Variants in SYT9 observed in about 807,000 individuals in gnomAD.
SYT9 encodes the protein synaptotagmin-9.
Under a neutral mutation model 48.4 loss-of-function variants are expected in SYT9, and 22 were observed. The observed-to-expected ratio is 0.45, with a 90% CI of 0.32 to 0.65. The LOEUF (loss-of-function observed/expected upper bound fraction) is 0.65, where lower values mean the gene tolerates loss of function less well. Among genes scored for constraint, SYT9 ranks in the 30% least tolerant of loss-of-function variants. The pLI, the probability that SYT9 is intolerant of heterozygous loss-of-function variation, is 0.03. For synonymous variants in SYT9, 265 were observed against 245.0 expected (o/e 1.08, Z -0.76); for missense variants, 577 against 622.0 (o/e 0.93, Z 0.77).
chr11:7,431,631 G>A (rs997293505), intron 6 of SYT9, among the ~76,000 whole-genome samples: 5 of 152,228 alleles, frequency 3.3e-5, no homozygotes, highest in African/African-American at 1.2e-4. Context: ...GCCTAAGAGT[G>A]ATGAATGGTT....
intron 6 of SYT9, among the ~76,000 whole-genome samples, chr11:7,429,087 C>T (rs756412109): frequency 6.6e-6 from 1 of 152,164 alleles, no homozygotes; most frequent in Non-Finnish European, 1.5e-5. Flanking sequence ...GTCCTGTGGG[C>T]ACCCATACAC....
intron 4 of SYT9, among the ~76,000 whole-genome samples, chr11:7,417,466 C>G (rs1457781578): frequency 6.6e-6 from 1 of 152,136 alleles, no homozygotes; most frequent in Non-Finnish European, 1.5e-5. Context: ...GCAGGCCACT[C>G]TAGGGGCTCA....
intron 3 of SYT9, 23 bp from the exon 4 acceptor site, chr11:7,416,018 CT>C (rs1847239759): frequency 6.2e-7 from 1 of 1,613,880 alleles, no homozygotes; most frequent in Non-Finnish European, 8.5e-7. Flanking sequence ...CTTTCTAATA[CT>C]TTAGTTTGTG....
At chr11:7,336,310 A>G (rs748198594) in intron 3 of SYT9, among the ~76,000 whole-genome samples, 17 of 152,098 alleles carry the variant, frequency 1.1e-4, no homozygotes, top group Non-Finnish European at 2.2e-4. Flanking sequence ...CTCTGTTGAT[A>G]GTTTCTTTTG....
chr11:7,350,476 A>G (rs1338390491), intron 3 of SYT9, among the ~76,000 whole-genome samples: 2 of 152,140 alleles, frequency 1.3e-5, no homozygotes, highest in Non-Finnish European at 2.9e-5. Flanking sequence ...GTCACCTCCT[A>G]CCTGAGCTGC....
rs1269767790 is a variant in SYT9, at chr11:7,252,312, AC to A, written c.130del (p.Arg44GlyfsTer9). The A allele has an allele frequency of 6.7e-7, 1 of 1,498,720 alleles. No homozygotes were observed. The highest frequency in any genetic ancestry group is 8.9e-7 in the Non-Finnish European group (1 of 1,123,002). The allele number at this position is 1,498,720 out of a possible 1,614,324, so 92.8% of individuals were successfully genotyped here. On this transcript the variant is annotated frameshift_variant, in exon 1 of 7. Coordinates refer to ENST00000318881, the MANE Select transcript of SYT9 (RefSeq NM_175733.4). LOFTEE classifies it high-confidence loss of function. This position sits in a 1 kb window ranked among gnomAD's most constrained non-coding sequence, Gnocchi z 6.3. ...FIYHLRDRAR[P>X]RLRDPDISVS... The stretch of plus-strand genomic sequence containing the variant: ...TTTACCACCTGCGGGACCGTGCCAG[AC>A]CCCGGCTCCGCGACCCAGGTGAGTG...
At chr11:7,291,250 G>T (rs1335067295) in intron 1 of SYT9, among the ~76,000 whole-genome samples, 1 of 152,180 alleles carries the variant, frequency 6.6e-6, no homozygotes, top group Non-Finnish European at 1.5e-5. Context: ...GTGGAGGAGA[G>T]TAGATTTGCA....
In SYT9 at chr11:7,347,526, C is replaced by T. The variant is rs955087950; in HGVS notation, c.1044+33585C>T. Among the ~76,000 whole-genome samples, 4 of 152,238 alleles carry T rather than the reference C, an allele frequency of 2.6e-5. No individual in the cohort carries two copies. The South Asian group carries it at 6.2e-4, about 24-fold the overall frequency. On this transcript the variant is annotated intron_variant, in intron 3 of 6. Coordinates refer to ENST00000318881, the MANE Select transcript of SYT9 (RefSeq NM_175733.4). ...CTGGGATTAGAGATGTGAGCCACTG[C>T]GCCCAGCCGAACTATTTCCATCAAA...
chr11:7,409,591 A>C (rs1214239172), intron 3 of SYT9, among the ~76,000 whole-genome samples: 1 of 151,956 alleles, frequency 6.6e-6, no homozygotes, highest in Non-Finnish European at 1.5e-5. Context: ...TTCCTTATTC[A>C]ATCTTGGTAG....
intron 6 of SYT9, chr11:7,441,331 G>A (rs1295743037): frequency 6.6e-6 from 1 of 152,206 alleles, no homozygotes; most frequent in Non-Finnish European, 1.5e-5. Context: ...AGTGGTGAGG[G>A]AGAAACCCAC....
intron 1 of SYT9, among the ~76,000 whole-genome samples, chr11:7,284,494 C>T (rs1378833760): frequency 6.6e-6 from 1 of 152,068 alleles, no homozygotes; most frequent in African/African-American, 2.4e-5. Context: ...GCTAAGCATA[C>T]ATTCTACAAT....
chr11:7,292,699 G>A (rs1848716001), intron 1 of SYT9, among the ~76,000 whole-genome samples: 1 of 152,174 alleles, frequency 6.6e-6, no homozygotes, highest in Non-Finnish European at 1.5e-5. Flanking sequence ...CTGCACATCA[G>A]ATTTTCTGTA....
At chr11:7,350,157 C>T (rs78978112) in intron 3 of SYT9, among the ~76,000 whole-genome samples, 3,780 of 152,218 alleles carry the variant, frequency 0.025, 118 homozygotes, top group African/African-American at 0.067. Flanking sequence ...ATAAAGGGTA[C>T]TAAAACATTG....
At chr11:7,360,409 G>A (rs529523974) in intron 3 of SYT9, among the ~76,000 whole-genome samples, 2 of 152,318 alleles carry the variant, frequency 1.3e-5, no homozygotes, top group South Asian at 4.1e-4. Flanking sequence ...GTAGCTTGAT[G>A]GGGATGGCAT....
intron 1 of SYT9, among the ~76,000 whole-genome samples, chr11:7,272,721 A>T (rs1393126086): frequency 6.6e-6 from 1 of 152,192 alleles, no homozygotes; most frequent in Non-Finnish European, 1.5e-5. Flanking sequence ...GGGAGCACAT[A>T]GGAGGGGCAC....
chr11:7,377,786 C>T (rs983482880), intron 3 of SYT9, among the ~76,000 whole-genome samples: 1 of 152,140 alleles, frequency 6.6e-6, no homozygotes, highest in Non-Finnish European at 1.5e-5. Flanking sequence ...CTAAGAGCTT[C>T]TTAGTCTATG....
At chr11:7,254,080 T>A (rs1488152115) in intron 1 of SYT9, among the ~76,000 whole-genome samples, 2 of 152,172 alleles carry the variant, frequency 1.3e-5, no homozygotes, top group Non-Finnish European at 2.9e-5. Context: ...TGTTCTCAGA[T>A]TCTCTTCAGC....
At chr11:7,251,501 C>T (rs944984235), upstream of SYT9, among the ~76,000 whole-genome samples, 1 of 152,168 alleles carries the variant, frequency 6.6e-6, no homozygotes, top group African/African-American at 2.4e-5. Flanking sequence ...CATCTGACAC[C>T]CATAGGCCCA....
At chr11:7,422,546 G>C (rs1847375123) in intron 6 of SYT9, among the ~76,000 whole-genome samples, 1 of 150,026 alleles carries the variant, frequency 6.7e-6, no homozygotes, top group South Asian at 2.1e-4. Context: ...GTCACTAGCA[G>C]TGGCATTTAG....
Sources: gnomAD v4.1 joint callset for allele counts (sites outside exome capture counted in the v4.1 genomes callset) on GRCh38, gnomAD v4.1.1 for gene constraint, Gnocchi (gnomAD v3.1) non-coding constraint, MANE v1.5 for transcripts, NCBI Gene and HGNC (gene_info 2026-07-23, HGNC 2026-07-21) for gene names.